CCDC73: variants seen among roughly 807,000 people sequenced by gnomAD.
The protein encoded by CCDC73 is coiled-coil domain-containing protein 73.
A neutral mutation model predicts 116.5 loss-of-function variants in CCDC73; 95 were observed. That is an observed-to-expected ratio of 0.82 (90% CI 0.69 to 0.97). The LOEUF (loss-of-function observed/expected upper bound fraction) is 0.97, where lower values mean the gene tolerates loss of function less well. Among genes scored for constraint, CCDC73 ranks in the 50% least tolerant of loss-of-function variants. CCDC73 has a pLI of 0.00. For synonymous variants in CCDC73, 398 were observed against 401.3 expected, an observed-to-expected ratio of 0.99 and a Z score of 0.10; for missense variants, 1,066 against 1,206.8, an observed-to-expected ratio of 0.88 and a Z score of 1.73.
chr11:32,783,924 A>G (rs56695506), intron 1 of CCDC73, among the ~76,000 whole-genome samples: 30,078 of 152,252 alleles, frequency 0.2, 4,082 homozygotes, highest in East Asian at 0.67. Context: ...AGGCTCTGGC[A>G]GCAACTTCCT....
intron 1 of CCDC73, among the ~76,000 whole-genome samples, chr11:32,783,315 G>C (rs1850598991): frequency 6.6e-6 from 1 of 152,136 alleles, no homozygotes; most frequent in African/African-American, 2.4e-5. Flanking sequence ...GAAGATAGAA[G>C]ATATTTTCAG....
chr11:32,635,550 A>G, intron 14 of CCDC73, 146 bp downstream of exon 14: 2 of 691,248 alleles, frequency 2.9e-6, no homozygotes, highest in Non-Finnish European at 3.8e-6. Context: ...TGTATACAAA[A>G]ATTAACTAAA....
At chr11:32,707,053 G>C (rs989013882) in intron 3 of CCDC73, among the ~76,000 whole-genome samples, 14 of 152,006 alleles carry the variant, frequency 9.2e-5, no homozygotes, top group African/African-American at 3.4e-4. Context: ...ACTGATATTG[G>C]CAGTAAGGTT....
At chr11:32,667,063 G>A (rs1032579911) in intron 9 of CCDC73, among the ~76,000 whole-genome samples, 2 of 152,208 alleles carry the variant, frequency 1.3e-5, no homozygotes, top group African/African-American at 4.8e-5. Flanking sequence ...TGAGGTGTCA[G>A]TCTGCCCCTA....
Position 32,615,968 on chromosome 11 carries a change from G to A in CCDC73, c.1347C>T (p.Gly449=). The change falls in exon 15 of 18, where the codon GGC becomes GGT. Residue 449 remains glycine, a synonymous_variant. Coordinates refer to ENST00000335185, the MANE Select transcript of CCDC73 (RefSeq NM_001008391.4). ...CTATAATTATTTCCTCTATAAATGA[G>A]CCTTCTTTTTTTTCTTCTTTTTCTC... ...EYREKEEKKE[G]SFIEEIIIDD... is the part of the protein sequence containing the mutation. 1 of 1,578,248 alleles carries A rather than the reference G, an allele frequency of 6.3e-7. No homozygotes were observed. The highest frequency in any genetic ancestry group is 8.6e-7 in the Non-Finnish European group (1 of 1,157,222).
At chr11:32,686,316 C>T (rs1856200761) in intron 6 of CCDC73, among the ~76,000 whole-genome samples, 1 of 140,664 alleles carries the variant, frequency 7.1e-6, no homozygotes, top group Admixed American at 7.2e-5. Flanking sequence ...ATTTTAGAAA[C>T]TTAATTTTAA....
intron 2 of CCDC73, among the ~76,000 whole-genome samples, chr11:32,747,967 G>C (rs1850255508): frequency 6.6e-6 from 1 of 152,136 alleles, no homozygotes. Flanking sequence ...TGTCCAACCA[G>C]TCCCAACGAG....
intron 2 of CCDC73, among the ~76,000 whole-genome samples, chr11:32,744,623 G>T (rs1240183265): frequency 6.6e-6 from 1 of 151,974 alleles, no homozygotes; most frequent in Non-Finnish European, 1.5e-5. Flanking sequence ...ACTTCTTCCT[G>T]GTTTAGTCTT....
chr11:32,814,464 G>A, the CCDC73 span, among the ~76,000 whole-genome samples: 2 of 152,150 alleles, frequency 1.3e-5, no homozygotes, highest in African/African-American at 4.8e-5. Flanking sequence ...AGTGAGGTAG[G>A]ACTTCAGAGA....
At chr11:32,677,325 A>G (rs1244387826) in intron 7 of CCDC73, among the ~76,000 whole-genome samples, 4 of 152,212 alleles carry the variant, frequency 2.6e-5, no homozygotes, top group Admixed American at 1.3e-4. Context: ...TACAACATGG[A>G]CTAAACATTA....
At chr11:32,671,115 C>T (rs2133282808) in intron 9 of CCDC73, among the ~76,000 whole-genome samples, 1 of 152,244 alleles carries the variant, frequency 6.6e-6, no homozygotes, top group Middle Eastern at 3.4e-3. Context: ...AAATAAACAG[C>T]AATGCTTTGA....
the CCDC73 span, among the ~76,000 whole-genome samples, chr11:32,812,007 G>C: frequency 6.7e-6 from 1 of 149,176 alleles, no homozygotes; most frequent in Admixed American, 6.7e-5. Context: ...TTTTGTACCT[G>C]TCTTCTACTG....
At chr11:32,694,342 A>T (rs1161377292) in intron 6 of CCDC73, among the ~76,000 whole-genome samples, 2 of 152,220 alleles carry the variant, frequency 1.3e-5, no homozygotes, top group Non-Finnish European at 2.9e-5. Context: ...TAAAATACCT[A>T]GGAATCCAAT....
At chr11:32,750,413 G>T (rs1850278259) in intron 2 of CCDC73, among the ~76,000 whole-genome samples, 1 of 152,160 alleles carries the variant, frequency 6.6e-6, no homozygotes, top group African/African-American at 2.4e-5. Flanking sequence ...AGGCAGTCTT[G>T]TATCCTTCTT....
At chr11:32,652,327 A>AC (rs772224014) in intron 12 of CCDC73, among the ~76,000 whole-genome samples, 2 of 150,478 alleles carry the variant, frequency 1.3e-5, no homozygotes, top group Non-Finnish European at 3.0e-5. Context: ...AGAAAGAAAG[A>AC]AAAACAAAAC....
the CCDC73 span, among the ~76,000 whole-genome samples, chr11:32,829,292 A>G: frequency 1.8e-4 from 28 of 152,336 alleles, no homozygotes; most frequent in Non-Finnish European, 3.2e-4. Flanking sequence ...TGATGACGTT[A>G]TTACACTTCA....
chr11:32,654,052 T>A lies in CCDC73; in HGVS notation c.775-15A>T. 1 of 1,578,260 alleles carries A rather than the reference T, an allele frequency of 6.3e-7. No individual in the cohort carries two copies. Among genetic ancestry groups the A allele is most frequent in the East Asian group, 2.3e-5 (1 of 44,290 alleles). ...AATTCCAATTCCTTTAAAATTTGAA[T>A]AGTTTTAAAGTTATGATATAAAATT... is the stretch of plus-strand genomic sequence containing the variant. On this transcript the variant is annotated splice_polypyrimidine_tract_variant and intron_variant, in intron 10 of 17. Transcript: ENST00000335185.
chr11:32,715,496 A>AGG (rs1554966464), intron 3 of CCDC73, among the ~76,000 whole-genome samples: 1 of 117,438 alleles, frequency 8.5e-6, no homozygotes, highest in East Asian at 3.7e-4. Context: ...ACTGATACAC[A>AGG]CGCACACACA....
intron 17 of CCDC73, among the ~76,000 whole-genome samples, chr11:32,608,247 T>C: frequency 6.6e-6 from 1 of 151,988 alleles, no homozygotes; most frequent in Non-Finnish European, 1.5e-5. Context: ...AAGTCCAAAG[T>C]CTCATCTGAG....
Sources: allele counts gnomAD v4.1 joint callset (sites outside exome capture counted in the v4.1 genomes callset), GRCh38; gene constraint gnomAD v4.1.1; transcripts MANE v1.5; gene names NCBI Gene and HGNC (gene_info 2026-07-23, HGNC 2026-07-21).